CCDC85A: variants seen among roughly 807,000 people sequenced by gnomAD.
The protein encoded by CCDC85A is coiled-coil domain-containing protein 85A.
Under a neutral mutation model 50.2 loss-of-function variants are expected in CCDC85A, and 38 were observed. The ratio of observed to expected loss-of-function variants is 0.76; its 90% CI spans 0.58 to 0.99. The LOEUF (loss-of-function observed/expected upper bound fraction) is 0.99. Among genes scored for constraint, CCDC85A ranks in the 50% least tolerant of loss-of-function variants. The probability of loss-of-function intolerance (pLI) is 0.00; values close to 1 mark genes in which losing one functional copy is unlikely to be tolerated. For synonymous variants in CCDC85A, 366 were observed against 301.4 expected (o/e 1.21, Z -2.22); for missense variants, 820 against 742.0 (o/e 1.11, Z -1.22).
Position 56,192,426 on chromosome 2 carries a change from C to A in CCDC85A, c.277-51C>A. 1 of 1,541,238 alleles carries A rather than the reference C, an allele frequency of 6.5e-7. No homozygotes were observed. The highest frequency in any genetic ancestry group is 8.7e-7 in the Non-Finnish European group (1 of 1,143,928). Reference sequence around the variant, plus strand: ...TCCCTTTCCAGGAAGTCTGAGCCTGCTGACACCTCAGATGTGTACTTCCCT... The same window carrying A: ...TCCCTTTCCAGGAAGTCTGAGCCTGATGACACCTCAGATGTGTACTTCCCT... On this transcript the variant is annotated intron_variant, in intron 1 of 5. Coordinates refer to ENST00000407595, the MANE Select transcript of CCDC85A (RefSeq NM_001080433.2). The surrounding 1 kb of genome is among the most constrained non-coding windows in gnomAD (Gnocchi z 4.7).
intron 2 of CCDC85A, among the ~76,000 whole-genome samples, chr2:56,207,265 C>T (rs1573024271): frequency 6.6e-6 from 1 of 152,172 alleles, no homozygotes; most frequent in Non-Finnish European, 1.5e-5. Context: ...TGTGGAGCCT[C>T]CCTGGGGCTG....
At chr2:56,276,527 T>C (rs1670952502) in intron 2 of CCDC85A, among the ~76,000 whole-genome samples, 1 of 152,150 alleles carries the variant, frequency 6.6e-6, no homozygotes, top group South Asian at 2.1e-4. Context: ...TCACGAGATC[T>C]GATGGTTTCA....
At chr2:56,207,838 A>G (rs546298530) in intron 2 of CCDC85A, among the ~76,000 whole-genome samples, 3 of 152,288 alleles carry the variant, frequency 2.0e-5, no homozygotes, top group South Asian at 4.1e-4. Context: ...AATGATCACT[A>G]TAAGAAACAA....
intron 2 of CCDC85A, among the ~76,000 whole-genome samples, chr2:56,215,350 T>C (rs1018434844): frequency 6.6e-6 from 1 of 151,904 alleles, no homozygotes; most frequent in African/African-American, 2.4e-5. Flanking sequence ...AAGATAGTGT[T>C]ATTTCTTGCT....
chr2:56,283,862 G>A (rs1183604352), intron 2 of CCDC85A, among the ~76,000 whole-genome samples: 3 of 151,804 alleles, frequency 2.0e-5, no homozygotes, highest in Admixed American at 1.3e-4. Context: ...TTGTTTGTGC[G>A]TTTTCTACTT....
intron 2 of CCDC85A, among the ~76,000 whole-genome samples, chr2:56,329,383 T>C (rs1219393102): frequency 6.6e-6 from 1 of 152,200 alleles, no homozygotes. Context: ...AGGAGGAGTC[T>C]TGTTTGCTTA....
intron 2 of CCDC85A, among the ~76,000 whole-genome samples, chr2:56,213,751 A>T (rs1275473046): frequency 6.6e-6 from 1 of 151,988 alleles, no homozygotes; most frequent in Non-Finnish European, 1.5e-5. Flanking sequence ...AAGTATAAAA[A>T]TTTGCTGTTT....
At chr2:56,353,210 C>T (rs1455515751) in intron 3 of CCDC85A, among the ~76,000 whole-genome samples, 1 of 152,098 alleles carries the variant, frequency 6.6e-6, no homozygotes, top group African/African-American at 2.4e-5. Context: ...AGACTCAGAC[C>T]ATATCAGATA....
intron 5 of CCDC85A, among the ~76,000 whole-genome samples, chr2:56,383,212 G>A (rs1337750001): frequency 6.6e-6 from 1 of 151,966 alleles, no homozygotes; most frequent in Non-Finnish European, 1.5e-5. Context: ...GGGTTTCCCT[G>A]TAGTATCCAC....
chr2:56,376,014 A>G, intron 5 of CCDC85A, 79 bp downstream of exon 5: 4 of 1,476,430 alleles, frequency 2.7e-6, no homozygotes, highest in Middle Eastern at 1.8e-4. Context: ...TAGTCCTCAC[A>G]GTCTTGCTTG....
intron 3 of CCDC85A, among the ~76,000 whole-genome samples, chr2:56,363,967 A>T (rs1558660248): frequency 6.6e-6 from 1 of 152,200 alleles, no homozygotes; most frequent in Non-Finnish European, 1.5e-5. Flanking sequence ...ATAACCTTTT[A>T]CTATTTAATA....
At chr2:56,346,986 A>G (rs1195396037) in intron 3 of CCDC85A, among the ~76,000 whole-genome samples, 1 of 152,222 alleles carries the variant, frequency 6.6e-6, no homozygotes, top group Non-Finnish European at 1.5e-5. Flanking sequence ...ATGAGATTTC[A>G]TTAACTTTTG....
At chr2:56,264,141 C>T (rs1475694333) in intron 2 of CCDC85A, among the ~76,000 whole-genome samples, 1 of 152,178 alleles carries the variant, frequency 6.6e-6, no homozygotes, top group Admixed American at 6.5e-5. Context: ...TAGGTGATTT[C>T]ATCCAGTCTC....
At chr2:56,226,337 C>T (rs1668541269) in intron 2 of CCDC85A, among the ~76,000 whole-genome samples, 1 of 152,148 alleles carries the variant, frequency 6.6e-6, no homozygotes, top group Admixed American at 6.6e-5. Context: ...ATTGGTTACC[C>T]AGTTCTTAGT....
chr2:56,339,756 C>G (rs970417331), intron 2 of CCDC85A, among the ~76,000 whole-genome samples: 5 of 151,180 alleles, frequency 3.3e-5, no homozygotes, highest in Non-Finnish European at 7.4e-5. Context: ...TTTTTTTTTC[C>G]AGAGGAAAGA....
intron 2 of CCDC85A, among the ~76,000 whole-genome samples, chr2:56,289,219 A>G (rs1254403789): frequency 2.0e-5 from 3 of 152,078 alleles, no homozygotes; most frequent in African/African-American, 4.8e-5. Context: ...TTCTTTGCAT[A>G]TGGATTTTTT....
chr2:56,377,887 CAA>C (rs58497352), intron 5 of CCDC85A, among the ~76,000 whole-genome samples: 29 of 95,484 alleles, frequency 3.0e-4, no homozygotes, highest in African/African-American at 4.7e-4. Flanking sequence ...AACTCCGTCT[CAA>C]AAAAAAAAAA....
intron 2 of CCDC85A, among the ~76,000 whole-genome samples, chr2:56,247,665 G>A (rs1242508551): frequency 6.6e-6 from 1 of 152,126 alleles, no homozygotes; most frequent in Non-Finnish European, 1.5e-5. Context: ...TGATAAAAAT[G>A]TGAAATGGAA....
intron 2 of CCDC85A, among the ~76,000 whole-genome samples, chr2:56,322,122 C>G (rs1434580880): frequency 6.6e-6 from 1 of 152,132 alleles, no homozygotes; most frequent in African/African-American, 2.4e-5. Flanking sequence ...CCCTTCCTTA[C>G]ACCTTATACA....
Sources: allele counts gnomAD v4.1 joint callset (sites outside exome capture counted in the v4.1 genomes callset), GRCh38; gene constraint gnomAD v4.1.1; non-coding constraint Gnocchi (gnomAD v3.1); transcripts MANE v1.5; gene names NCBI Gene and HGNC (gene_info 2026-07-23, HGNC 2026-07-21).